SCHIP1: variants seen among roughly 807,000 people sequenced by gnomAD.
SCHIP1 encodes the protein schwannomin interacting protein 1, also known as schwannomin-interacting protein 1.
A neutral mutation model predicts 29.7 loss-of-function variants in SCHIP1; 8 were observed. The ratio of observed to expected loss-of-function variants is 0.27; its 90% confidence interval spans 0.16 to 0.49. The LOEUF is 0.49. Ranked by LOEUF, SCHIP1 falls within the 20% of genes least tolerant of loss-of-function variation. The pLI, the probability that SCHIP1 is intolerant of heterozygous loss-of-function variation, is 0.99. For synonymous variants in SCHIP1, 76 were observed against 94.9 expected, an observed-to-expected ratio of 0.80 and a Z score of 1.16; for missense variants, 193 against 294.6, an observed-to-expected ratio of 0.66 and a Z score of 2.52.
At chr3:159,541,601 G>T in the SCHIP1 span, among the ~76,000 whole-genome samples, 1 of 152,050 alleles carries the variant, frequency 6.6e-6, no homozygotes, top group Admixed American at 6.6e-5. Flanking sequence ...GTGGCAGGCA[G>T]TGGGGAGGAA....
At chr3:159,314,606 T>C in the SCHIP1 span, among the ~76,000 whole-genome samples, 3 of 152,198 alleles carry the variant, frequency 2.0e-5, no homozygotes, top group African/African-American at 7.2e-5. Context: ...TGCTTAAAAC[T>C]GTGGCTACCA....
the SCHIP1 span, among the ~76,000 whole-genome samples, chr3:159,643,869 T>G: frequency 2.0e-5 from 3 of 152,050 alleles, no homozygotes; most frequent in Non-Finnish European, 4.4e-5. Flanking sequence ...CTCTGGGAAG[T>G]CCATTTCATT....
the SCHIP1 span, among the ~76,000 whole-genome samples, chr3:159,649,557 G>A: frequency 0.13 from 20,152 of 151,956 alleles, 3,639 homozygotes; most frequent in African/African-American, 0.41. Flanking sequence ...AAAGTCAGAA[G>A]ATAAAAATCA....
At chr3:159,499,112 C>A in the SCHIP1 span, among the ~76,000 whole-genome samples, 1 of 152,196 alleles carries the variant, frequency 6.6e-6, no homozygotes, top group African/African-American at 2.4e-5. Flanking sequence ...AATTTCGAGG[C>A]ACTTGAAAGA....
the SCHIP1 span, among the ~76,000 whole-genome samples, chr3:159,708,691 C>A: frequency 6.6e-6 from 1 of 152,048 alleles, no homozygotes; most frequent in Non-Finnish European, 1.5e-5. Flanking sequence ...TTAAGGAAAC[C>A]AATGTGAGAT....
the SCHIP1 span, among the ~76,000 whole-genome samples, chr3:159,468,779 T>TATATATATA: frequency 4.1e-5 from 4 of 98,688 alleles, no homozygotes; most frequent in African/African-American, 1.6e-4. Flanking sequence ...ATATATATAT[T>TATATATATA]TTTTTTAGAT....
At chr3:159,381,131 T>A in the SCHIP1 span, among the ~76,000 whole-genome samples, 1 of 152,260 alleles carries the variant, frequency 6.6e-6, no homozygotes, top group East Asian at 1.9e-4. Context: ...GGCAGTTTAT[T>A]TTTAGAGTTA....
the SCHIP1 span, among the ~76,000 whole-genome samples, chr3:159,615,962 T>C: frequency 6.6e-6 from 1 of 152,206 alleles, no homozygotes; most frequent in Non-Finnish European, 1.5e-5. Flanking sequence ...CTCTGTGCCC[T>C]GTACAGTTGC....
At chr3:159,765,187 C>A in the SCHIP1 span, 1 of 1,496,830 alleles carries the variant, frequency 6.7e-7, no homozygotes, top group Non-Finnish European at 8.9e-7. Context: ...GCGTACACAC[C>A]CCGCGCACAG....
the SCHIP1 span, among the ~76,000 whole-genome samples, chr3:159,589,307 A>T: frequency 1.3e-5 from 2 of 152,250 alleles, no homozygotes; most frequent in Non-Finnish European, 2.9e-5. Context: ...TTGCACATTG[A>T]TTTTGTATCC....
chr3:159,389,611 G>GA, the SCHIP1 span, among the ~76,000 whole-genome samples: 3 of 151,826 alleles, frequency 2.0e-5, no homozygotes, highest in African/African-American at 4.8e-5. Context: ...GTTTCTGATA[G>GA]AAAAAAATGG....
chr3:159,635,519 C>A, the SCHIP1 span, among the ~76,000 whole-genome samples: 1 of 152,182 alleles, frequency 6.6e-6, no homozygotes, highest in African/African-American at 2.4e-5. Context: ...AATATAGCTT[C>A]TTCTTCCTTC....
At chr3:159,737,249 T>C in the SCHIP1 span, among the ~76,000 whole-genome samples, 1 of 152,168 alleles carries the variant, frequency 6.6e-6, no homozygotes, top group African/African-American at 2.4e-5. Context: ...CACTCCTGCT[T>C]GCCCCTCTGA....
chr3:159,301,462 AGAGTTTTTTTAG>A, the SCHIP1 span, among the ~76,000 whole-genome samples: 3 of 152,290 alleles, frequency 2.0e-5, no homozygotes, highest in African/African-American at 2.4e-5. Flanking sequence ...CTACATGGGA[AGAGTTTTTTTAG>A]GAGGTCATAG....
chr3:159,698,140 G>T, the SCHIP1 span, among the ~76,000 whole-genome samples: 1 of 152,014 alleles, frequency 6.6e-6, no homozygotes, highest in Admixed American at 6.6e-5. Context: ...GTATTATCAT[G>T]GTAATTTTAT....
chr3:159,622,412 G>T, the SCHIP1 span, among the ~76,000 whole-genome samples: 7 of 145,728 alleles, frequency 4.8e-5, no homozygotes, highest in East Asian at 1.7e-3. Flanking sequence ...GAAAAGAAAT[G>T]CTATTTGTTT....
the SCHIP1 span, among the ~76,000 whole-genome samples, chr3:159,602,122 G>A: frequency 6.6e-6 from 1 of 152,140 alleles, no homozygotes; most frequent in Non-Finnish European, 1.5e-5. Context: ...AGCAGTCTAT[G>A]GTAGAAATAT....
At chr3:159,531,825 A>G in the SCHIP1 span, among the ~76,000 whole-genome samples, 801 of 152,324 alleles carry the variant, frequency 5.3e-3, 3 homozygotes, top group Non-Finnish European at 9.0e-3. Context: ...TTTTTTAAGC[A>G]TAATACCAAA....
chr3:159,397,930 G>C, the SCHIP1 span, among the ~76,000 whole-genome samples: 1 of 152,210 alleles, frequency 6.6e-6, no homozygotes, highest in Non-Finnish European at 1.5e-5. Context: ...CAGCCTCGCT[G>C]CCACCTTGCA....
Sources: allele counts gnomAD v4.1 joint callset (sites outside exome capture counted in the v4.1 genomes callset), GRCh38; gene constraint gnomAD v4.1.1; transcripts MANE v1.5; gene names NCBI Gene and HGNC (gene_info 2026-07-23, HGNC 2026-07-21).